Variants in SPECC1L observed in about 807,000 individuals in gnomAD.
SPECC1L encodes cytospin-A.
In SPECC1L, 40 loss-of-function variants were observed where a neutral mutation model predicts 116.8. The ratio of observed to expected loss-of-function variants is 0.34; its 90% CI spans 0.27 to 0.45. SPECC1L has a LOEUF of 0.45. Ranked by LOEUF, SPECC1L falls within the 20% of genes least tolerant of loss-of-function variation. SPECC1L has a pLI of 1.00. For synonymous variants in SPECC1L, 504 were observed against 500.6 expected (o/e 1.01, Z -0.09); for missense variants, 1,110 against 1,373.6 (o/e 0.81, Z 3.03).
intron 14 of SPECC1L, among the ~76,000 whole-genome samples, chr22:24,372,876 C>T (rs868524024): frequency 2.6e-5 from 4 of 152,150 alleles, no homozygotes; most frequent in Admixed American, 1.3e-4. Flanking sequence ...CTAGAAAACT[C>T]CATCATCTCA....
At chr22:24,340,103 A>G (rs2041142470) in intron 10 of SPECC1L, among the ~76,000 whole-genome samples, 1 of 151,238 alleles carries the variant, frequency 6.6e-6, no homozygotes, top group Admixed American at 6.6e-5. Flanking sequence ...TAATTTAAAA[A>G]GAAGGGAAGG....
At chr22:24,413,080 A>C (rs2146826317) in intron 16 of SPECC1L, among the ~76,000 whole-genome samples, 1 of 152,284 alleles carries the variant, frequency 6.6e-6, no homozygotes, top group Non-Finnish European at 1.5e-5. Context: ...TGTCAAAAAC[A>C]CCACACCAGC....
chr22:24,274,489 A>G (rs1402144233), intron 1 of SPECC1L, among the ~76,000 whole-genome samples: 2 of 152,228 alleles, frequency 1.3e-5, no homozygotes, highest in Non-Finnish European at 2.9e-5. Context: ...TCTTCAGAAT[A>G]GTAGTTTTTA....
chr22:24,348,908 G>C (rs896352261), intron 11 of SPECC1L, among the ~76,000 whole-genome samples: 1 of 152,204 alleles, frequency 6.6e-6, no homozygotes, highest in Non-Finnish European at 1.5e-5. Flanking sequence ...GATGTGACCC[G>C]TCAGCAGCAT....
At chr22:24,283,412 G>A (rs1478168231) in intron 2 of SPECC1L, among the ~76,000 whole-genome samples, 1 of 152,184 alleles carries the variant, frequency 6.6e-6, no homozygotes, top group African/African-American at 2.4e-5. Context: ...AACTAACCTT[G>A]CATTTGTGGG....
intron 14 of SPECC1L, among the ~76,000 whole-genome samples, chr22:24,386,101 C>G (rs1479459935): frequency 1.4e-5 from 2 of 147,926 alleles, no homozygotes; most frequent in Non-Finnish European, 3.0e-5. Flanking sequence ...AAATTTAACT[C>G]CTGTTTATTA....
Position 24,336,492 on chromosome 22 carries a change from T to G in SPECC1L, c.2561-1894T>G, listed in dbSNP as rs5751849. Among the ~76,000 whole-genome samples the G allele has an allele frequency of 5.2e-4, 79 of 152,226 alleles. No individual in the cohort carries two copies. The East Asian group carries it at 0.014, about 27-fold the overall frequency. ...GACAAGTGCCTGTAGTTCCAACTAC[T>G]TATGAGGCCGAGGTGGTAACATGCT... is the stretch of plus-strand genomic sequence containing the variant. On this transcript the variant is annotated intron_variant, in intron 9 of 16. Transcript: ENST00000314328.
chr22:24,345,087 G>C (rs1331672232), intron 10 of SPECC1L, among the ~76,000 whole-genome samples: 1 of 152,150 alleles, frequency 6.6e-6, no homozygotes, highest in Non-Finnish European at 1.5e-5. Flanking sequence ...GGTCGGGGGG[G>C]TGCGGGTGGA....
At chr22:24,360,391 C>G (rs941341151) in intron 11 of SPECC1L, among the ~76,000 whole-genome samples, 16 of 152,232 alleles carry the variant, frequency 1.1e-4, no homozygotes, top group African/African-American at 3.9e-4. Context: ...TAAAACAATA[C>G]CCTATTTGGG....
At chr22:24,285,788 C>A (rs1262575404) in intron 2 of SPECC1L, among the ~76,000 whole-genome samples, 1 of 152,064 alleles carries the variant, frequency 6.6e-6, no homozygotes, top group African/African-American at 2.4e-5. Flanking sequence ...ATTACAGGCA[C>A]CCACCACCAA....
chr22:24,321,843 T>G lies in SPECC1L; in HGVS notation c.863T>G (p.Leu288Arg), dbSNP rs1343933934. ...LEQRLDNSEK[L>R]FGYQSLSPEI... ...CAGAGGTTAGACAATTCTGAAAAACTGTTTGGCTATCAGTCCCTGAGCCCA... is the reference window on the plus strand; with the variant it reads ...CAGAGGTTAGACAATTCTGAAAAACGGTTTGGCTATCAGTCCCTGAGCCCA... Residue 288 changes from leucine (L) to arginine (R), a missense_variant, in exon 5 of 17, where the codon CTG becomes CGG. Around this residue, in one of 4 missense-constraint regions of SPECC1L, gnomAD observed 437 missense variants for 482.6 expected, o/e 0.91. Transcript: ENST00000314328. 6.2e-7 allele frequency: 1 copy of G among 1,614,100 alleles called. No homozygotes were observed. Among genetic ancestry groups the G allele is most frequent in the African/African-American group, 1.3e-5 (1 of 74,918 alleles).
chr22:24,291,467 T>G (rs1055099964), intron 2 of SPECC1L, among the ~76,000 whole-genome samples: 12 of 152,080 alleles, frequency 7.9e-5, no homozygotes, highest in Non-Finnish European at 1.3e-4. Flanking sequence ...TAAGCTAATG[T>G]TGTTTGTTGA....
In SPECC1L at chr22:24,324,418, G is replaced by A. The variant is rs1257407927; in HGVS notation, c.2137G>A (p.Asp713Asn). The change falls in exon 6 of 17, where the codon GAT becomes AAT. Residue 713 changes from aspartate to asparagine, a missense_variant. Asp to Asn is a conservative substitution (Grantham distance 23). Around this residue, in one of 4 missense-constraint regions of SPECC1L, gnomAD observed 575 missense variants for 682.4 expected, o/e 0.84. Transcript: ENST00000314328. ...ACTTCATGACAACCTCATTATTTCT[G>A]ATCTAGAGAGTAAGTGATAAGAACT... ...VKLHDNLIISDLENTVKKLQD... is the reference protein window; with the variant it reads ...VKLHDNLIISNLENTVKKLQD... The A allele has an allele frequency of 1.2e-6, 2 of 1,612,630 alleles. No homozygotes were observed. The highest frequency in any genetic ancestry group is 4.5e-5 in the East Asian group (2 of 44,880).
intron 6 of SPECC1L, among the ~76,000 whole-genome samples, chr22:24,328,078 T>G (rs1429136568): frequency 6.6e-6 from 1 of 152,202 alleles, no homozygotes; most frequent in Admixed American, 6.5e-5. Flanking sequence ...AGCACCCTCC[T>G]AAGTCATTTA....
intron 6 of SPECC1L, among the ~76,000 whole-genome samples, chr22:24,325,827 T>C (rs1483069713): frequency 6.6e-6 from 1 of 152,168 alleles, no homozygotes; most frequent in Non-Finnish European, 1.5e-5. Context: ...ATTTGTCATG[T>C]GTGTATTATG....
At chr22:24,338,269 G>A in intron 9 of SPECC1L, 117 bp from the exon 10 acceptor site, 1 of 984,448 alleles carries the variant, frequency 1.0e-6, no homozygotes. Flanking sequence ...CATCAGCCAA[G>A]ACAGTGTCCA....
chr22:24,356,582 G>A (rs2041537656), intron 11 of SPECC1L, among the ~76,000 whole-genome samples: 1 of 151,980 alleles, frequency 6.6e-6, no homozygotes, highest in African/African-American at 2.4e-5. Context: ...CTTGTAGACG[G>A]TATATAGTTC....
intron 10 of SPECC1L, 73 bp from the exon 11 acceptor site, chr22:24,347,013 A>T (rs1304340867): frequency 5.3e-6 from 6 of 1,139,728 alleles, no homozygotes; most frequent in Non-Finnish European, 8.0e-6. Context: ...CTAAATATCT[A>T]CTCTGTGCGG....
In SPECC1L at chr22:24,368,052, T is replaced by A. The variant is rs200028570; in HGVS notation, c.2985-1166T>A. 5.9e-5 allele frequency among the ~76,000 whole-genome samples: 9 copies of A among 152,328 alleles called. No homozygotes were observed. The East Asian group carries it at 1.7e-3, about 29-fold the overall frequency. On this transcript the variant is annotated intron_variant, in intron 13 of 16. Transcript: ENST00000314328. ...AATGAGTAGAATTGGAAGTCTTCCC[T>A]GCCCCTTCACCAGGGGTGATTGCAA...
Sources: allele counts gnomAD v4.1 joint callset (sites outside exome capture counted in the v4.1 genomes callset), GRCh38; gene constraint gnomAD v4.1.1; regional missense constraint gnomAD v4.1.1; transcripts MANE v1.5; gene names NCBI Gene and HGNC (gene_info 2026-07-23, HGNC 2026-07-21).